Variants in DCPH1 observed in about 807,000 individuals in gnomAD.
DCPH1 encodes the protein damage control phosphatase 1, also known as damage-control phosphatase 1.
At chr6:151,455,424 A>C in the DCPH1 span, among the ~76,000 whole-genome samples, 1 of 152,230 alleles carries the variant, frequency 6.6e-6, no homozygotes, top group Non-Finnish European at 1.5e-5. Flanking sequence ...GGGATGTGTC[A>C]GGGTCACAAG....
At chr6:151,461,504 C>T in the DCPH1 span, among the ~76,000 whole-genome samples, 1 of 152,112 alleles carries the variant, frequency 6.6e-6, no homozygotes, top group East Asian at 1.9e-4. Context: ...AACCCTGTCT[C>T]TACTAAAAAT....
the DCPH1 span, chr6:151,452,734 T>G: frequency 1.3e-6 from 1 of 778,272 alleles, no homozygotes; most frequent in Non-Finnish European, 2.0e-6. Context: ...CTTTGCGGGT[T>G]TCGCGGACTG....
At chr6:151,459,355 C>T in the DCPH1 span, among the ~76,000 whole-genome samples, 28 of 152,190 alleles carry the variant, frequency 1.8e-4, no homozygotes, top group African/African-American at 5.3e-4. Context: ...GTGAATCATA[C>T]TATTGTATTA....
the DCPH1 span, chr6:151,469,761 G>A: frequency 6.6e-6 from 1 of 152,588 alleles, no homozygotes; most frequent in Admixed American, 6.5e-5. Flanking sequence ...ATTGAACACA[G>A]TGAAACAAAT....
the DCPH1 span, among the ~76,000 whole-genome samples, chr6:151,461,990 C>T: frequency 2.0e-5 from 3 of 152,138 alleles, no homozygotes; most frequent in Admixed American, 1.3e-4. Flanking sequence ...TATGGGGGAT[C>T]CCTATCCTAG....
the DCPH1 span, among the ~76,000 whole-genome samples, chr6:151,466,115 C>T: frequency 4.6e-5 from 7 of 152,270 alleles, no homozygotes; most frequent in South Asian, 2.1e-4. Context: ...GACTGGGTTT[C>T]GCCATGTTGG....
chr6:151,463,078 A>G, the DCPH1 span, among the ~76,000 whole-genome samples: 1 of 152,352 alleles, frequency 6.6e-6, no homozygotes, highest in Admixed American at 6.5e-5. Flanking sequence ...CATGTGTTAC[A>G]AAATACTACT....
At chr6:151,454,934 A>G in the DCPH1 span, among the ~76,000 whole-genome samples, 1 of 152,212 alleles carries the variant, frequency 6.6e-6, no homozygotes, top group African/African-American at 2.4e-5. Context: ...CAGACTTGCA[A>G]TTGACTTAGT....
At chr6:151,462,574 CGTT>C in the DCPH1 span, among the ~76,000 whole-genome samples, 80 of 152,110 alleles carry the variant, frequency 5.3e-4, no homozygotes, top group Non-Finnish European at 1.0e-3. Context: ...CTGTTTACTT[CGTT>C]GTGATGGATA....
At chr6:151,455,826 T>G in the DCPH1 span, among the ~76,000 whole-genome samples, 1 of 152,264 alleles carries the variant, frequency 6.6e-6, no homozygotes, top group South Asian at 2.1e-4. Context: ...GACTATCACA[T>G]GGGGAGAAAC....
At chr6:151,468,364 T>C in the DCPH1 span, 1 of 1,555,506 alleles carries the variant, frequency 6.4e-7, no homozygotes, top group African/African-American at 1.4e-5. Flanking sequence ...GGGAAATAAG[T>C]GTGATCTGTC....
the DCPH1 span, among the ~76,000 whole-genome samples, chr6:151,457,106 G>A: frequency 6.6e-6 from 1 of 152,042 alleles, no homozygotes; most frequent in Admixed American, 6.6e-5. Flanking sequence ...AGCTTCCTAA[G>A]CCCCCACCTA....
chr6:151,454,575 CAG>C, the DCPH1 span: 12 of 1,555,392 alleles, frequency 7.7e-6, no homozygotes, highest in African/African-American at 2.7e-5. Context: ...CAATTAAAGA[CAG>C]AATACCACAG....
chr6:151,461,529 G>C, the DCPH1 span, among the ~76,000 whole-genome samples: 1 of 152,120 alleles, frequency 6.6e-6, no homozygotes, highest in Admixed American at 6.6e-5. Context: ...AAATTAGTCA[G>C]GCATGGTAAT....
chr6:151,452,696 C>G, the DCPH1 span: 2 of 1,146,198 alleles, frequency 1.7e-6, no homozygotes, highest in East Asian at 5.4e-5. Context: ...GTTCGAGTCC[C>G]GCCGCCGGGC....
the DCPH1 span, among the ~76,000 whole-genome samples, chr6:151,465,742 G>A: frequency 1.3e-5 from 2 of 152,050 alleles, no homozygotes; most frequent in African/African-American, 4.8e-5. Flanking sequence ...AGGGAGGTTG[G>A]GGCCAAGTTG....
the DCPH1 span, chr6:151,458,402 A>G: frequency 5.0e-6 from 8 of 1,613,512 alleles, no homozygotes; most frequent in Non-Finnish European, 6.8e-6. Context: ...CAGATAAACC[A>G]TTTATCCCCT....
chr6:151,454,280 G>A, the DCPH1 span, among the ~76,000 whole-genome samples: 5 of 152,158 alleles, frequency 3.3e-5, no homozygotes, highest in Admixed American at 6.6e-5. Context: ...GAAAATAAAA[G>A]CAATAGAATA....
the DCPH1 span, among the ~76,000 whole-genome samples, chr6:151,457,856 T>C: frequency 1.2e-4 from 18 of 152,274 alleles, no homozygotes; most frequent in African/African-American, 3.6e-4. Context: ...CCCACTCCAA[T>C]TGGCCTGTTA....
Sources: allele counts gnomAD v4.1 joint callset (sites outside exome capture counted in the v4.1 genomes callset), GRCh38; gene constraint gnomAD v4.1.1; transcripts MANE v1.5; gene names NCBI Gene and HGNC (gene_info 2026-07-23, HGNC 2026-07-21).